TMC4: variants seen among roughly 807,000 people sequenced by gnomAD.
TMC4 encodes transmembrane channel like 4, also known as voltage-gated chloride channel TMC4.
A neutral mutation model predicts 82.0 loss-of-function variants in TMC4; 70 were observed. The ratio of observed to expected loss-of-function variants is 0.85; its 90% CI spans 0.70 to 1.04. The LOEUF is 1.04. Among genes scored for constraint, TMC4 ranks in the 50% least tolerant of loss-of-function variants. The pLI is 0.00. For synonymous variants in TMC4, 446 were observed against 406.0 expected (o/e 1.10, Z -1.18); for missense variants, 879 against 899.0 (o/e 0.98, Z 0.28).
chr19:54,164,522 C>A lies in TMC4; in HGVS notation c.1025G>T (p.Arg342Leu), dbSNP rs1477375361. 1.9e-6 allele frequency: 3 copies of A among 1,613,928 alleles called. No individual in the cohort carries two copies. The highest frequency in any genetic ancestry group is 2.5e-6 in the Non-Finnish European group (3 of 1,180,008). The part of the protein sequence containing the change: ...LGQQARVWLV[R>L]VLLNLLVVAL... ...GACCACCAGCAGGTTGAGCAGCACC[C>A]GCACCAACCAAACCCTGGCTTGCTG... is the stretch of plus-strand genomic sequence containing the variant. The change falls in exon 7 of 15, where the codon CGG becomes CTG. Residue 342 changes from arginine to leucine, a missense_variant. Transcript: ENST00000619895.
chr19:54,168,057 C>A (rs2146900235), intron 5 of TMC4, 114 bp downstream of exon 5: 1 of 1,307,492 alleles, frequency 7.6e-7, no homozygotes. Flanking sequence ...GAGCAAAACT[C>A]CGTCTCAAAA....
In TMC4 at chr19:54,163,763, C is replaced by A; in HGVS notation, c.1238G>T (p.Gly413Val). 6.2e-7 allele frequency: 1 copy of A among 1,614,016 alleles called. No homozygotes were observed. The highest frequency in any genetic ancestry group is 8.5e-7 in the Non-Finnish European group (1 of 1,180,030). Residue 413 changes from glycine to valine, a missense_variant, in exon 8 of 15, where the codon GGC becomes GTC. Physicochemically the swap from Gly to Val is moderately radical, Grantham distance 109 (BLOSUM62 -3). Coordinates refer to ENST00000619895, the MANE Select transcript of TMC4 (RefSeq NM_144686.4). ...PVFKLIAPLE[G>V]YTRSRQIVFI... The stretch of plus-strand genomic sequence containing the variant: ...AACGATCTGGCGACTCCGAGTGTAG[C>A]CCTCCAGTGGAGCAATGAGCTTGAA...
At chr19:54,172,973 C>T (rs2075947994) in intron 1 of TMC4, 66 bp downstream of exon 1, 1 of 1,442,734 alleles carries the variant, frequency 6.9e-7, no homozygotes, top group Non-Finnish European at 9.5e-7. Context: ...CCCCTTTCCT[C>T]CTCCAGCAGG....
Position 54,171,917 on chromosome 19 carries a change from G to T in TMC4, c.246C>A (p.His82Gln). 1 of 1,613,360 alleles carries T rather than the reference G, an allele frequency of 6.2e-7. No homozygotes were observed. The highest frequency in any genetic ancestry group is 8.5e-7 in the Non-Finnish European group (1 of 1,179,592). Residue 82 changes from histidine (H) to glutamine (Q), a missense_variant, in exon 2 of 15, where the codon CAC becomes CAA. Coordinates refer to ENST00000619895, the MANE Select transcript of TMC4 (RefSeq NM_144686.4). ...EVTQTELQDP[H>Q]PSRELPWPMQ... ...TGGGCCAGGGCAGTTCCCGGGAAGG[G>T]TGAGGGTCCTGCAGCTCTGTCTGGG...
At chr19:54,160,680 C>A in intron 13 of TMC4, 135 bp from the exon 14 acceptor site, 1 of 1,485,850 alleles carries the variant, frequency 6.7e-7, no homozygotes. Context: ...TCTCCCAGCC[C>A]CTCCGCCTTC....
chr19:54,162,374 C>A, intron 10 of TMC4, 89 bp from the exon 11 acceptor site: 1 of 633,412 alleles, frequency 1.6e-6, no homozygotes, highest in Non-Finnish European at 2.4e-6. Flanking sequence ...CAATAGGAAG[C>A]ATGCGTATTG....
At chr19:54,170,176 A>G (rs1600591233) in intron 2 of TMC4, among the ~76,000 whole-genome samples, 3 of 152,080 alleles carry the variant, frequency 2.0e-5, no homozygotes, top group Non-Finnish European at 4.4e-5. Context: ...AGACTGTATG[A>G]TTCTATTTGC....
At chr19:54,164,849 C>G (rs1461798286) in intron 6 of TMC4, 11 of 577,904 alleles carry the variant, frequency 1.9e-5, no homozygotes, top group Non-Finnish European at 3.0e-5. Context: ...CTCAGCACCC[C>G]AGGCCCCGCC....
chr19:54,166,944 C>T (rs755375740), intron 5 of TMC4, among the ~76,000 whole-genome samples: 3 of 147,026 alleles, frequency 2.0e-5, no homozygotes, highest in Non-Finnish European at 3.0e-5. Context: ...CAGAGCGAGA[C>T]TCCGTCTCAA....
chr19:54,169,605 G>C lies in TMC4; in HGVS notation c.349C>G (p.Arg117Gly), dbSNP rs139987490. ...VVYGSGTKTD[R>G]WARLLRRSKE... ...GACCTCCGAAGTAGCCGCGCCCATC[G>C]GTCCGTCTTAGTTCCAGAGCCATAG... The change falls in exon 3 of 15, where the codon CGA (arginine) becomes GGA (glycine). Residue 117 changes from arginine (R) to glycine (G), a missense_variant. Coordinates refer to ENST00000619895, the MANE Select transcript of TMC4 (RefSeq NM_144686.4). 1.2e-5 allele frequency: 19 copies of C among 1,613,858 alleles called. No individual in the cohort carries two copies. The African/African-American group carries it at 1.2e-4, about 10-fold the overall frequency.
At chr19:54,164,236 G>A (rs555867281) in intron 7 of TMC4, among the ~76,000 whole-genome samples, 198 bp downstream of exon 7, 110 of 152,106 alleles carry the variant, frequency 7.2e-4, no homozygotes, top group African/African-American at 2.2e-3. Flanking sequence ...GCCTCCCAAA[G>A]TGCTGGGATT....
At position 54,160,267 on chromosome 19, in the gene TMC4, TGG is replaced by T. The variant is rs782507699; in HGVS notation, c.*37_*38del. 3.9e-5 allele frequency: 58 copies of T among 1,500,926 alleles called. No individual in the cohort carries two copies. The highest frequency in any genetic ancestry group is 5.2e-5 in the Non-Finnish European group (58 of 1,124,472). 93.0% of individuals were successfully genotyped at this position (1,500,926 alleles called of 1,614,324 possible). Reference sequence around the variant, plus strand: ...CAGATGTTGTGACCTAGGCTTACAATGGGCCTGGGGTCTGAAAGCGGGACGTG... The same window carrying T: ...CAGATGTTGTGACCTAGGCTTACAATGCCTGGGGTCTGAAAGCGGGACGTG... On this transcript the variant is annotated 3_prime_UTR_variant, in exon 15 of 15. Coordinates refer to ENST00000619895, the MANE Select transcript of TMC4 (RefSeq NM_144686.4).
intron 5 of TMC4, among the ~76,000 whole-genome samples, chr19:54,166,128 C>T (rs745704547): frequency 7.9e-5 from 12 of 151,862 alleles, no homozygotes; most frequent in African/African-American, 2.9e-4. Flanking sequence ...CCTGTAATCC[C>T]AGCACTTTGG....
chr19:54,167,110 AT>A (rs200666361), intron 5 of TMC4, among the ~76,000 whole-genome samples: 2 of 150,804 alleles, frequency 1.3e-5, no homozygotes, highest in South Asian at 4.2e-4. Context: ...TTAAAAAAAA[AT>A]TTTTAGCAAG....
At chr19:54,163,266 G>A in intron 8 of TMC4, 107 bp from the exon 9 acceptor site, 2 of 1,312,730 alleles carry the variant, frequency 1.5e-6, no homozygotes, top group Non-Finnish European at 1.0e-6. Flanking sequence ...AGATGAAGCT[G>A]AGGCCCAGTG....
intron 3 of TMC4, 110 bp downstream of exon 3, chr19:54,169,402 A>C (rs2075827423): frequency 7.1e-7 from 1 of 1,413,070 alleles, no homozygotes; most frequent in Non-Finnish European, 9.4e-7. Context: ...CCAAAAATCC[A>C]GGCCCAAGCC....
chr19:54,166,097 G>A (rs977246974), intron 5 of TMC4, among the ~76,000 whole-genome samples: 1 of 151,602 alleles, frequency 6.6e-6, no homozygotes, highest in Non-Finnish European at 1.5e-5. Context: ...AGAGGGGGCA[G>A]GCCAGGCGCC....
chr19:54,169,008 ATATTTT>A (rs1452225950), intron 3 of TMC4, among the ~76,000 whole-genome samples: 1 of 3,614 alleles, frequency 2.8e-4, no homozygotes, highest in Non-Finnish European at 7.0e-4. Context: ...ATATATATAT[ATATTTT>A]TTTTTTTTTC....
At chr19:54,165,591 G>A in intron 5 of TMC4, 25 bp from the exon 6 acceptor site, 3 of 1,586,370 alleles carry the variant, frequency 1.9e-6, no homozygotes. Context: ...CCGGGAGACG[G>A]GAAGTGAAAG....
Sources: gnomAD v4.1 joint callset for allele counts (sites outside exome capture counted in the v4.1 genomes callset) on GRCh38, gnomAD v4.1.1 for gene constraint, MANE v1.5 for transcripts, NCBI Gene and HGNC (gene_info 2026-07-23, HGNC 2026-07-21) for gene names.